RALYL: variants seen among roughly 807,000 people sequenced by gnomAD.
The protein encoded by RALYL is RALY RNA binding protein like.
A neutral mutation model predicts 35.1 loss-of-function variants in RALYL; 29 were observed. That is an observed-to-expected ratio of 0.83 (90% CI 0.61 to 1.13). The LOEUF is 1.13. Ranked by LOEUF, RALYL falls within the 50% of genes most tolerant of loss-of-function variation. The pLI is 0.00. For synonymous variants in RALYL, 120 were observed against 127.6 expected, an observed-to-expected ratio of 0.94 and a Z score of 0.40; for missense variants, 359 against 360.4, an observed-to-expected ratio of 1.00 and a Z score of 0.03.
Position 84,774,569 on chromosome 8 carries a change from A to G in RALYL, c.257-10A>G. The G allele has an allele frequency of 1.3e-6, 2 of 1,580,754 alleles. No individual in the cohort carries two copies. The highest frequency in any genetic ancestry group is 1.7e-6 in the Non-Finnish European group (2 of 1,157,776). The stretch of plus-strand genomic sequence containing the variant: ...TTCTTAATCAGTACTGTTTTATTTT[A>G]TGCTTTCAGATATCAACATGGCAGG... On this transcript the variant is annotated splice_polypyrimidine_tract_variant and intron_variant, in intron 2 of 8. Coordinates refer to ENST00000521268, the MANE Select transcript of RALYL (RefSeq NM_173848.7).
At chr8:84,726,739 G>C (rs1845035465) in intron 2 of RALYL, among the ~76,000 whole-genome samples, 1 of 151,896 alleles carries the variant, frequency 6.6e-6, no homozygotes, top group African/African-American at 2.4e-5. Context: ...TATGGCTCCA[G>C]CCCAAGTATT....
rs1164970318 is a variant in RALYL, at chr8:84,537,411, G to A, written c.256+7834G>A. Among the ~76,000 whole-genome samples, 10 of 151,132 alleles carry A rather than the reference G, an allele frequency of 6.6e-5. 1 individual carries two copies. The highest frequency in any genetic ancestry group is 5.3e-4 in the Admixed American group (8 of 15,144). ...CCTGAGCCCGGGAAATTGAGGTAGCGGGCTACAGTGAGCTGTGATCATGCC... is the reference window on the plus strand; with the variant it reads ...CCTGAGCCCGGGAAATTGAGGTAGCAGGCTACAGTGAGCTGTGATCATGCC... On this transcript the variant is annotated intron_variant, in intron 2 of 8. Transcript: ENST00000521268.
intron 2 of RALYL, among the ~76,000 whole-genome samples, chr8:84,732,919 A>T (rs888104603): frequency 6.6e-6 from 1 of 150,924 alleles, no homozygotes; most frequent in African/African-American, 2.4e-5. Context: ...CTGGTCTAGA[A>T]CTCCTGACCT....
At chr8:84,439,901 G>A (rs783508) in intron 1 of RALYL, among the ~76,000 whole-genome samples, 79,125 of 151,848 alleles carry the variant, frequency 0.52, 20,874 homozygotes, top group African/African-American at 0.59. Flanking sequence ...ATGCATGTCG[G>A]TAATCTTCAC....
chr8:84,214,173 C>T (rs1176460127), intron 1 of RALYL, among the ~76,000 whole-genome samples: 2 of 151,832 alleles, frequency 1.3e-5, no homozygotes, highest in Admixed American at 6.6e-5. Context: ...TAGGTTGTTA[C>T]CTTGGGTGGA....
At chr8:84,583,144 C>T (rs1261623340) in intron 2 of RALYL, among the ~76,000 whole-genome samples, 5 of 152,094 alleles carry the variant, frequency 3.3e-5, no homozygotes, top group Non-Finnish European at 1.5e-5. Flanking sequence ...TGATAAATAA[C>T]AGTGCCTTTT....
chr8:84,825,045 T>G (rs1829369025), intron 4 of RALYL, among the ~76,000 whole-genome samples: 1 of 152,024 alleles, frequency 6.6e-6, no homozygotes, highest in South Asian at 2.1e-4. Context: ...AGAGAAACTA[T>G]CAAGGAAGTA....
Position 84,702,539 on chromosome 8 carries a change from T to TCACACACACA in RALYL, c.257-72022_257-72013dup, listed in dbSNP as rs10678224. Among the ~76,000 whole-genome samples, 289 of 136,526 alleles carry TCACACACACA rather than the reference T, an allele frequency of 2.1e-3. 1 individual carries two copies. Among genetic ancestry groups the TCACACACACA allele is most frequent in the African/African-American group, 8.6e-3 (281 of 32,550 alleles). 89.6% of individuals were successfully genotyped at this position (136,526 alleles called of 152,430 possible). On this transcript the variant is annotated intron_variant, in intron 2 of 8. Transcript: ENST00000521268. ...TGCATAGTCTCTCTCTCTCTCTCTC[T>TCACACACACA]CACACACACACACACACACACACAC...
At chr8:84,592,328 C>T (rs537682873) in intron 2 of RALYL, among the ~76,000 whole-genome samples, 7 of 152,176 alleles carry the variant, frequency 4.6e-5, no homozygotes, top group Non-Finnish European at 8.8e-5. Context: ...TAATAAGTTT[C>T]CTTTCAAAAA....
intron 2 of RALYL, among the ~76,000 whole-genome samples, chr8:84,621,764 T>C (rs1340943728): frequency 6.6e-6 from 1 of 152,188 alleles, no homozygotes; most frequent in African/African-American, 2.4e-5. Flanking sequence ...AAAGAGAGAA[T>C]AGATTGTAAG....
At chr8:84,349,952 T>TC (rs1330786438) in intron 1 of RALYL, among the ~76,000 whole-genome samples, 1 of 149,976 alleles carries the variant, frequency 6.7e-6, no homozygotes, top group Non-Finnish European at 1.5e-5. Context: ...CAACTCCCAA[T>TC]CCCCCAGCAA....
intron 4 of RALYL, among the ~76,000 whole-genome samples, chr8:84,806,581 T>C (rs1172237288): frequency 6.7e-6 from 1 of 149,740 alleles, no homozygotes; most frequent in East Asian, 2.0e-4. Flanking sequence ...AAAAAAAAAA[T>C]ACTGTATCGC....
intron 1 of RALYL, among the ~76,000 whole-genome samples, chr8:84,450,250 G>A (rs1045992559): frequency 4.6e-5 from 7 of 151,836 alleles, no homozygotes; most frequent in African/African-American, 1.5e-4. Flanking sequence ...TTACTAAAAA[G>A]ATGCTTTTTA....
intron 2 of RALYL, among the ~76,000 whole-genome samples, chr8:84,664,263 ATTTTTT>A (rs60423756): frequency 1.7e-4 from 10 of 58,048 alleles, no homozygotes; most frequent in South Asian, 2.0e-3. Flanking sequence ...ATGCCTCTAG[ATTTTTT>A]TTTTTTTTTT....
intron 8 of RALYL, among the ~76,000 whole-genome samples, chr8:84,891,808 C>T (rs79816450): frequency 3.1e-4 from 47 of 152,224 alleles, no homozygotes; most frequent in Admixed American, 5.9e-4. Context: ...ACCAAACCAT[C>T]CTTGGTTCCC....
At chr8:84,315,083 A>G (rs1423327681) in intron 1 of RALYL, among the ~76,000 whole-genome samples, 1 of 152,212 alleles carries the variant, frequency 6.6e-6, no homozygotes, top group Non-Finnish European at 1.5e-5. Context: ...ACAAGAGGAT[A>G]TAGATAAAAC....
At chr8:84,214,635 GAGTT>G (rs1025555215) in intron 1 of RALYL, among the ~76,000 whole-genome samples, 3 of 151,998 alleles carry the variant, frequency 2.0e-5, no homozygotes, top group Non-Finnish European at 4.4e-5. Context: ...TAACTGGCAA[GAGTT>G]AGTTGAGACA....
chr8:84,703,202 G>A (rs560040282), intron 2 of RALYL, among the ~76,000 whole-genome samples: 76 of 152,144 alleles, frequency 5.0e-4, no homozygotes, highest in South Asian at 1.0e-3. Flanking sequence ...TGTATTCACC[G>A]GGTATATGTA....
intron 1 of RALYL, among the ~76,000 whole-genome samples, chr8:84,523,238 CAT>C (rs1195806395): frequency 6.6e-6 from 1 of 151,822 alleles, no homozygotes; most frequent in Non-Finnish European, 1.5e-5. Context: ...AAAGGCATGA[CAT>C]ATGGCAGCAG....
Sources: allele counts gnomAD v4.1 joint callset (sites outside exome capture counted in the v4.1 genomes callset), GRCh38; gene constraint gnomAD v4.1.1; transcripts MANE v1.5; gene names NCBI Gene and HGNC (gene_info 2026-07-23, HGNC 2026-07-21).